The following IQGAP2 variants were observed in gnomAD, a reference collection of about 807,000 sequenced individuals.
The protein encoded by IQGAP2 is ras GTPase-activating-like protein IQGAP2.
IQGAP2 carries 173 observed loss-of-function variants against 201.3 expected under a neutral mutation model. That is an observed-to-expected ratio of 0.86 (90% CI 0.76 to 0.98). The LOEUF (loss-of-function observed/expected upper bound fraction) is 0.98. Among genes scored for constraint, IQGAP2 ranks in the 50% least tolerant of loss-of-function variants. The probability of loss-of-function intolerance (pLI) is 0.00; values close to 1 mark genes in which losing one functional copy is unlikely to be tolerated. For synonymous variants in IQGAP2, 675 were observed against 673.9 expected, an observed-to-expected ratio of 1.00 and a Z score of -0.03; for missense variants, 1,687 against 1,864.8, an observed-to-expected ratio of 0.90 and a Z score of 1.76.
intron 2 of IQGAP2, among the ~76,000 whole-genome samples, chr5:76,532,387 A>G (rs1328637354): frequency 2.7e-5 from 4 of 148,992 alleles, no homozygotes; most frequent in Non-Finnish European, 5.9e-5. Context: ...TATATCCTAC[A>G]GATTATAATG....
intron 2 of IQGAP2, among the ~76,000 whole-genome samples, chr5:76,476,518 C>A (rs1172835304): frequency 6.6e-6 from 1 of 151,990 alleles, no homozygotes; most frequent in Non-Finnish European, 1.5e-5. Context: ...AAAGTGTAAA[C>A]AAAAAGTGAT....
chr5:76,660,066 T>C (rs975991255), intron 21 of IQGAP2: 2 of 151,878 alleles, frequency 1.3e-5, no homozygotes, highest in African/African-American at 4.8e-5. Flanking sequence ...GAAACTGATC[T>C]TCTGGAAGCT....
intron 2 of IQGAP2, chr5:76,510,687 G>A: frequency 1.9e-6 from 1 of 536,382 alleles, no homozygotes; most frequent in Non-Finnish European, 3.8e-6. Context: ...AGCAGCAGCT[G>A]CAGCCAGACT....
chr5:76,437,954 T>A (rs1001105867), intron 1 of IQGAP2, among the ~76,000 whole-genome samples: 1 of 150,512 alleles, frequency 6.6e-6, no homozygotes, highest in African/African-American at 2.4e-5. Flanking sequence ...TTTGGTTTGC[T>A]AGTATTTTGT....
chr5:76,585,948 A>G (rs1442019721), intron 5 of IQGAP2, among the ~76,000 whole-genome samples: 2 of 152,200 alleles, frequency 1.3e-5, no homozygotes, highest in Non-Finnish European at 2.9e-5. Flanking sequence ...AGAGGTTGAC[A>G]TTTCATTGTT....
chr5:76,499,516 G>A (rs1480539708), intron 2 of IQGAP2, among the ~76,000 whole-genome samples: 1 of 152,110 alleles, frequency 6.6e-6, no homozygotes, highest in Non-Finnish European at 1.5e-5. Flanking sequence ...AAAATTCTCT[G>A]AGCTCTTTGG....
intron 3 of IQGAP2, among the ~76,000 whole-genome samples, chr5:76,568,568 C>A (rs1021952355): frequency 1.3e-5 from 2 of 152,152 alleles, no homozygotes; most frequent in Non-Finnish European, 2.9e-5. Flanking sequence ...TGGAGCCCAC[C>A]AGTTTTGGAC....
Position 76,496,757 on chromosome 5 carries a change from C to CTTTCTTTCTTTCTTTCTTTCTTTCT in IQGAP2, c.146+35091_146+35115dup, listed in dbSNP as rs1756977511. On this transcript the variant is annotated intron_variant, in intron 2 of 35. Coordinates refer to ENST00000274364, the MANE Select transcript of IQGAP2 (RefSeq NM_006633.5). Reference sequence around the variant, plus strand: ...TCTTTCTTTCTTTCTTTCTTTCTTTCTTTCTTTCTTTCTTTCTTTCTTTCT... The same window carrying CTTTCTTTCTTTCTTTCTTTCTTTCT: ...TCTTTCTTTCTTTCTTTCTTTCTTTCTTTCTTTCTTTCTTTCTTTCTTTCTTTTCTTTCTTTCTTTCTTTCTTTCT... Among the ~76,000 whole-genome samples the CTTTCTTTCTTTCTTTCTTTCTTTCT allele has an allele frequency of 2.3e-4, 18 of 79,322 alleles. 1 individual carries two copies. The highest frequency in any genetic ancestry group is 1.2e-3 in the East Asian group (4 of 3,372). 52.0% of individuals were successfully genotyped at this position (79,322 alleles called of 152,430 possible). A position where few individuals can be genotyped will look rare whatever the true frequency, so the allele number is the denominator to read the frequency against.
At chr5:76,496,749 C>CTTTCTTTCTTTCTTTCT (rs1561416365) in intron 2 of IQGAP2, among the ~76,000 whole-genome samples, 638 of 60,430 alleles carry the variant, frequency 0.011, 27 homozygotes, top group Admixed American at 0.038. Context: ...TTCTTTCTTT[C>CTTTCTTTCTTTCTTTCT]TTTCTTTCTT....
intron 2 of IQGAP2, among the ~76,000 whole-genome samples, chr5:76,462,988 C>T (rs1754557324): frequency 6.6e-6 from 1 of 151,738 alleles, no homozygotes; most frequent in South Asian, 2.1e-4. Context: ...GATTCATAGG[C>T]ATTAGAAAGA....
At chr5:76,517,706 A>G (rs994453409) in intron 2 of IQGAP2, among the ~76,000 whole-genome samples, 1 of 152,070 alleles carries the variant, frequency 6.6e-6, no homozygotes, top group African/African-American at 2.4e-5. Flanking sequence ...TTGGGAAGAG[A>G]GTTGGGTAGC....
chr5:76,539,530 T>C (rs1742615348), intron 2 of IQGAP2, among the ~76,000 whole-genome samples: 1 of 152,150 alleles, frequency 6.6e-6, no homozygotes, highest in African/African-American at 2.4e-5. Flanking sequence ...CATCTCTCCT[T>C]CTTGCAGGTA....
chr5:76,520,857 G>A (rs1460062298), intron 2 of IQGAP2, among the ~76,000 whole-genome samples: 6 of 151,930 alleles, frequency 3.9e-5, no homozygotes, highest in Non-Finnish European at 5.9e-5. Context: ...ACAGGCACAC[G>A]CCACCATGCC....
intron 2 of IQGAP2, among the ~76,000 whole-genome samples, chr5:76,516,920 G>C (rs1758368496): frequency 6.6e-6 from 1 of 152,118 alleles, no homozygotes; most frequent in African/African-American, 2.4e-5. Context: ...AATTGATAAA[G>C]ACACTCCATT....
intron 2 of IQGAP2, among the ~76,000 whole-genome samples, chr5:76,538,768 T>C (rs1185343471): frequency 1.3e-5 from 2 of 152,196 alleles, no homozygotes; most frequent in Non-Finnish European, 2.9e-5. Flanking sequence ...TAATGTTACA[T>C]CCAGTTCATC....
At chr5:76,429,580 A>T (rs1288238084) in intron 1 of IQGAP2, among the ~76,000 whole-genome samples, 63 of 121,238 alleles carry the variant, frequency 5.2e-4, no homozygotes, top group Non-Finnish European at 1.6e-4. Flanking sequence ...TCAAAAAAAA[A>T]TTTATATATA....
chr5:76,419,878 T>A (rs1441590175), intron 1 of IQGAP2, among the ~76,000 whole-genome samples: 1 of 152,208 alleles, frequency 6.6e-6, no homozygotes, highest in Non-Finnish European at 1.5e-5. Context: ...TCCAGCTTCA[T>A]CCTCAGTGTT....
At chr5:76,483,786 G>A (rs1440964108) in intron 2 of IQGAP2, among the ~76,000 whole-genome samples, 1 of 152,198 alleles carries the variant, frequency 6.6e-6, no homozygotes, top group East Asian at 1.9e-4. Context: ...TAGTCCTGCA[G>A]CCTCTTCTTT....
intron 1 of IQGAP2, among the ~76,000 whole-genome samples, chr5:76,415,080 C>CT (rs1383768217): frequency 6.6e-6 from 1 of 152,160 alleles, no homozygotes; most frequent in Non-Finnish European, 1.5e-5. Context: ...GTTATAATAT[C>CT]TTTTTAGAAG....
Sources: gnomAD v4.1 joint callset for allele counts (sites outside exome capture counted in the v4.1 genomes callset) on GRCh38, gnomAD v4.1.1 for gene constraint, MANE v1.5 for transcripts, NCBI Gene and HGNC (gene_info 2026-07-23, HGNC 2026-07-21) for gene names.